The following DUSP22 variants were observed in gnomAD, a reference collection of about 807,000 sequenced individuals.
DUSP22 encodes dual specificity protein phosphatase 22.
DUSP22 carries 24 observed loss-of-function variants against 24.5 expected under a neutral mutation model. The ratio of observed to expected loss-of-function variants is 0.98; its 90% CI spans 0.71 to 1.38. The LOEUF is 1.38. Ranked by LOEUF, DUSP22 falls within the 40% of genes most tolerant of loss-of-function variation. The probability of loss-of-function intolerance (pLI) is 0.00; values close to 1 mark genes in which losing one functional copy is unlikely to be tolerated. For synonymous variants in DUSP22, 160 were observed against 106.4 expected, an observed-to-expected ratio of 1.50 and a Z score of -3.10; for missense variants, 330 against 269.2, an observed-to-expected ratio of 1.23 and a Z score of -1.58.
At chr6:319,592 A>G (rs1253741517) in intron 3 of DUSP22, among the ~76,000 whole-genome samples, 1 of 152,302 alleles carries the variant, frequency 6.6e-6, no homozygotes, top group African/African-American at 2.4e-5. Flanking sequence ...TACAGCTTGA[A>G]GCACTGGGCA....
intron 4 of DUSP22, among the ~76,000 whole-genome samples, chr6:339,903 A>C (rs1759525332): frequency 6.6e-6 from 1 of 152,300 alleles, no homozygotes; most frequent in African/African-American, 2.4e-5. Context: ...CCCTTGGACT[A>C]CTGTGGTCCT....
chr6:345,385 T>C (rs965513529), intron 4 of DUSP22, among the ~76,000 whole-genome samples: 1 of 152,300 alleles, frequency 6.6e-6, no homozygotes, highest in African/African-American at 2.4e-5. Context: ...AATTTTTGTA[T>C]TTTTAGTAGA....
At chr6:327,069 A>G (rs977930988) in intron 3 of DUSP22, among the ~76,000 whole-genome samples, 4 of 152,286 alleles carry the variant, frequency 2.6e-5, no homozygotes, top group Admixed American at 2.0e-4. Flanking sequence ...CAATACGTGA[A>G]TCAGTGGGCA....
intron 5 of DUSP22, 131 bp downstream of exon 5, chr6:346,059 C>T (rs540123500): frequency 6.9e-4 from 803 of 1,162,230 alleles, no homozygotes; most frequent in East Asian, 4.1e-3. Flanking sequence ...CTCTCAAACG[C>T]GTGCTCCATT....
At chr6:326,982 G>A (rs866552423) in intron 3 of DUSP22, among the ~76,000 whole-genome samples, 11 of 152,426 alleles carry the variant, frequency 7.2e-5, no homozygotes, top group Admixed American at 2.6e-4. Flanking sequence ...GGCTGTCAAG[G>A]CCCAGGGAAT....
chr6:295,517 G>A (rs1353447087), intron 1 of DUSP22, among the ~76,000 whole-genome samples: 1 of 152,268 alleles, frequency 6.6e-6, no homozygotes, highest in Non-Finnish European at 1.5e-5. Flanking sequence ...GCTCGTGCCT[G>A]TAATCACAGC....
intron 6 of DUSP22, 36 bp from the exon 7 acceptor site, chr6:348,733 T>C (rs769805528): frequency 1.2e-6 from 2 of 1,613,608 alleles, no homozygotes; most frequent in East Asian, 2.2e-5. Context: ...CGTGCACATG[T>C]GTGTGACGTT....
chr6:324,545 C>T (rs536855767), intron 3 of DUSP22, among the ~76,000 whole-genome samples: 3 of 152,412 alleles, frequency 2.0e-5, no homozygotes. Context: ...TCTCCCACCC[C>T]GTGGACGTTC....
At chr6:348,003 T>C in intron 5 of DUSP22, 100 bp from the exon 6 acceptor site, 2 of 1,531,480 alleles carry the variant, frequency 1.3e-6, no homozygotes, top group Non-Finnish European at 1.8e-6. Flanking sequence ...AGGAAGACTT[T>C]CTGAACAAGG....
rs1760179134 is a variant in DUSP22, at chr6:350,938, C to G, written c.*1987C>G. 2 of 1,594,568 alleles carry G rather than the reference C, an allele frequency of 1.3e-6. No homozygotes were observed. Among genetic ancestry groups the G allele is most frequent in the Non-Finnish European group, 1.7e-6 (2 of 1,164,048 alleles). On this transcript the variant is annotated 3_prime_UTR_variant, in exon 7 of 7. Coordinates refer to ENST00000419235, the MANE Select transcript of DUSP22 (RefSeq NM_001286555.3). The stretch of plus-strand genomic sequence containing the variant: ...CTGGTGCTGCCAAAAAGAAAAGCAA[C>G]ATAGAGTTTAAGTATCCAGTAGTGA...
Position 345,880 on chromosome 6 carries a change from A to G in DUSP22, c.215A>G (p.Lys72Arg), listed in dbSNP as rs746977383. Residue 72 changes from lysine to arginine, a missense_variant, in exon 5 of 7, where the codon AAA becomes AGA. Physicochemically the swap from Lys to Arg is conservative, Grantham distance 26. Coordinates refer to ENST00000419235, the MANE Select transcript of DUSP22 (RefSeq NM_001286555.3). The part of the protein sequence containing the change: ...NLTRHFKESI[K>R]FIHECRLRGE... ...ACAAGACATTTCAAAGAAAGTATTA[A>G]ATTCATTCACGAGTGCCGGCTCCGC... 1.4e-5 allele frequency: 23 copies of G among 1,614,134 alleles called. No homozygotes were observed. The highest frequency in any genetic ancestry group is 3.3e-4 in the Middle Eastern group (2 of 6,084).
chr6:330,556 C>G (rs1371491257), intron 3 of DUSP22, among the ~76,000 whole-genome samples: 1 of 152,296 alleles, frequency 6.6e-6, no homozygotes, highest in African/African-American at 2.4e-5. Context: ...TTTCAGGGAC[C>G]TGCCTCCGTA....
intron 3 of DUSP22, among the ~76,000 whole-genome samples, chr6:323,953 A>T (rs1449890677): frequency 1.3e-5 from 2 of 152,298 alleles, no homozygotes; most frequent in African/African-American, 4.8e-5. Flanking sequence ...GAGTGCAATT[A>T]AATTGCACTA....
intron 2 of DUSP22, among the ~76,000 whole-genome samples, chr6:310,679 T>C (rs1446822182): frequency 6.6e-6 from 1 of 152,310 alleles, no homozygotes; most frequent in Non-Finnish European, 1.5e-5. Flanking sequence ...CTAGAGTTAA[T>C]GGTTTTGTAT....
chr6:313,719 C>T (rs1027417039), intron 3 of DUSP22, among the ~76,000 whole-genome samples: 1 of 152,302 alleles, frequency 6.6e-6, no homozygotes, highest in Non-Finnish European at 1.5e-5. Flanking sequence ...TATTGTTATG[C>T]CACTGTTTTG....
At chr6:333,015 A>G (rs560212353) in intron 3 of DUSP22, among the ~76,000 whole-genome samples, 1 of 152,420 alleles carries the variant, frequency 6.6e-6, no homozygotes, top group South Asian at 2.1e-4. Context: ...ATCTATACCA[A>G]CAAGCTTGTT....
rs1027556964 is a variant in DUSP22 at position 351,205 on chromosome 6, T to G, written c.*2254T>G. ...CCCAAGGACGAGCCCAGTGTAGTTGTGTGGCGTGAACTCTGCCCGTGTGTT... is the reference window on the plus strand; with the variant it reads ...CCCAAGGACGAGCCCAGTGTAGTTGGGTGGCGTGAACTCTGCCCGTGTGTT... On this transcript the variant is annotated 3_prime_UTR_variant, in exon 7 of 7. Transcript: ENST00000419235. The G allele has an allele frequency of 1.1e-4, 39 of 365,526 alleles. No homozygotes were observed. Among genetic ancestry groups the G allele is most frequent in the Non-Finnish European group, 6.5e-5 (13 of 199,688 alleles). 22.6% of individuals were successfully genotyped at this position (365,526 alleles called of 1,614,324 possible). A position where few individuals can be genotyped will look rare whatever the true frequency, so the allele number is the denominator to read the frequency against.
At chr6:348,679 A>G (rs1056151486) in intron 6 of DUSP22, 90 bp from the exon 7 acceptor site, 75 of 1,569,604 alleles carry the variant, frequency 4.8e-5, no homozygotes, top group East Asian at 2.0e-4. Context: ...GTGTGGCACC[A>G]TCTCTGTGGT....
chr6:304,977 C>T (rs1280799668), intron 2 of DUSP22, among the ~76,000 whole-genome samples: 4 of 152,308 alleles, frequency 2.6e-5, no homozygotes, highest in South Asian at 2.1e-4. Context: ...GCTTATTTTA[C>T]TGAGCACAGT....
Sources: gnomAD v4.1 joint callset for allele counts (sites outside exome capture counted in the v4.1 genomes callset) on GRCh38, gnomAD v4.1.1 for gene constraint, MANE v1.5 for transcripts, NCBI Gene and HGNC (gene_info 2026-07-23, HGNC 2026-07-21) for gene names.